The following CALCR variants were observed in gnomAD, a reference collection of about 807,000 sequenced individuals.
CALCR encodes calcitonin receptor.
In CALCR, 47 loss-of-function variants were observed where a neutral mutation model predicts 59.5. That is an observed-to-expected ratio of 0.79 (90% confidence interval 0.63 to 1.01). The LOEUF is 1.01. Ranked by LOEUF, CALCR falls within the 50% of genes least tolerant of loss-of-function variation. The pLI, the probability that CALCR is intolerant of heterozygous loss-of-function variation, is 0.00. For synonymous variants in CALCR, 213 were observed against 211.3 expected (o/e 1.01, Z -0.07); for missense variants, 566 against 597.1 (o/e 0.95, Z 0.54).
At chr7:93,557,257 TTTTA>T (rs1325434762) in intron 2 of CALCR, among the ~76,000 whole-genome samples, 1 of 151,874 alleles carries the variant, frequency 6.6e-6, no homozygotes, top group Non-Finnish European at 1.5e-5. Flanking sequence ...ATCTGATAGT[TTTTA>T]TTTCTTTAAA....
chr7:93,528,757 T>A (rs2116122607), intron 2 of CALCR, among the ~76,000 whole-genome samples: 1 of 152,300 alleles, frequency 6.6e-6, no homozygotes, highest in African/African-American at 2.4e-5. Flanking sequence ...TACTATAATT[T>A]CCTAAAGTTG....
At chr7:93,509,880 A>G (rs1452176693) in intron 2 of CALCR, among the ~76,000 whole-genome samples, 2 of 152,166 alleles carry the variant, frequency 1.3e-5, no homozygotes, top group African/African-American at 4.8e-5. Context: ...TATTTATAGG[A>G]TTAATACATA....
At chr7:93,467,033 A>G (rs1365524038) in intron 7 of CALCR, among the ~76,000 whole-genome samples, 1 of 131,304 alleles carries the variant, frequency 7.6e-6, no homozygotes, top group Non-Finnish European at 1.8e-5. Context: ...AAATTTGGGG[A>G]ATTTTTCTTT....
intron 12 of CALCR, among the ~76,000 whole-genome samples, chr7:93,434,637 T>C (rs1206799870): frequency 1.3e-5 from 2 of 151,932 alleles, no homozygotes; most frequent in African/African-American, 4.8e-5. Flanking sequence ...ATGGAGACCT[T>C]GCAGAATTCA....
chr7:93,484,021 A>C (rs777762616), intron 3 of CALCR: 1 of 520,408 alleles, frequency 1.9e-6, no homozygotes, highest in East Asian at 5.6e-5. Context: ...AGCTGCCACC[A>C]ACAGCAGTAG....
At chr7:93,528,385 G>A (rs1470409504) in intron 2 of CALCR, among the ~76,000 whole-genome samples, 1 of 152,066 alleles carries the variant, frequency 6.6e-6, no homozygotes, top group African/African-American at 2.4e-5. Flanking sequence ...CCATTAACTC[G>A]TCATTTACAT....
At chr7:93,563,212 T>C (rs994147459) in intron 2 of CALCR, among the ~76,000 whole-genome samples, 9 of 152,178 alleles carry the variant, frequency 5.9e-5, no homozygotes, top group Non-Finnish European at 1.0e-4. Flanking sequence ...AAAATAGATC[T>C]TGGAAAGTTT....
At chr7:93,503,897 T>C (rs527831236) in intron 2 of CALCR, among the ~76,000 whole-genome samples, 2 of 152,304 alleles carry the variant, frequency 1.3e-5, no homozygotes, top group Non-Finnish European at 2.9e-5. Flanking sequence ...CTATTCTCTA[T>C]AATGAAGGCT....
At chr7:93,536,042 T>C (rs1181477065) in intron 2 of CALCR, among the ~76,000 whole-genome samples, 2 of 151,916 alleles carry the variant, frequency 1.3e-5, no homozygotes, top group Admixed American at 6.6e-5. Context: ...TGTATGTCTA[T>C]ACTAGTGTAG....
intron 5 of CALCR, among the ~76,000 whole-genome samples, chr7:93,475,653 A>T (rs1800651745): frequency 6.6e-6 from 1 of 151,834 alleles, no homozygotes; most frequent in African/African-American, 2.4e-5. Flanking sequence ...AGGTCATTCC[A>T]CTCATGAACA....
intron 2 of CALCR, among the ~76,000 whole-genome samples, chr7:93,517,319 T>TTTTTTTTTTTTTTTTA (rs1475384884): frequency 6.6e-6 from 1 of 151,290 alleles, no homozygotes; most frequent in Admixed American, 6.6e-5. Flanking sequence ...TTTTTTTAAT[T>TTTTTTTTTTTTTTTTA]TGCTAGCCAT....
chr7:93,508,316 T>C (rs1202819359), intron 2 of CALCR, among the ~76,000 whole-genome samples: 3 of 152,194 alleles, frequency 2.0e-5, no homozygotes. Context: ...CAAAAAGTAG[T>C]ATATTTTCCA....
chr7:93,557,322 C>G (rs141043731), intron 2 of CALCR, among the ~76,000 whole-genome samples: 1 of 151,462 alleles, frequency 6.6e-6, no homozygotes, highest in Admixed American at 6.6e-5. Flanking sequence ...TGGTATGCAA[C>G]TTTATGTTTT....
rs527309308 is a variant in CALCR, at chr7:93,445,125, A to G, written c.649-1368T>C. Among the ~76,000 whole-genome samples, 3 of 152,222 alleles carry G rather than the reference A, an allele frequency of 2.0e-5. No individual in the cohort carries two copies. In the East Asian group the frequency reaches 5.8e-4, roughly 29 times the overall value. ...AACCTCTGATTCTGACCAAAGTGGT[A>G]CAGTGGTGCAGATAATTAAAAACAC... On this transcript the variant is annotated intron_variant, in intron 8 of 13. Coordinates refer to ENST00000426151, the MANE Select transcript of CALCR (RefSeq NM_001742.4).
chr7:93,461,622 A>G (rs1001178573), intron 7 of CALCR, among the ~76,000 whole-genome samples: 30 of 152,300 alleles, frequency 2.0e-4, no homozygotes, highest in Admixed American at 1.5e-3. Flanking sequence ...TTTGGATCCA[A>G]TGAGAGCTAT....
At chr7:93,443,561 A>C in intron 9 of CALCR, 43 bp downstream of exon 9, 8 of 1,581,848 alleles carry the variant, frequency 5.1e-6, no homozygotes, top group Non-Finnish European at 6.9e-6. Context: ...GCATACAGAC[A>C]GAGGTGAAAG....
chr7:93,495,949 G>T lies in CALCR; in HGVS notation c.-26-8942C>A, dbSNP rs1469359160. 7 of 1,524,148 alleles carry T rather than the reference G, an allele frequency of 4.6e-6. No individual in the cohort carries two copies. The Admixed American group carries it at 1.2e-4, about 26-fold the overall frequency. 94.4% of individuals were successfully genotyped at this position (1,524,148 alleles called of 1,614,324 possible). A position where few individuals can be genotyped will look rare whatever the true frequency, so the allele number is the denominator to read the frequency against. The stretch of plus-strand genomic sequence containing the variant: ...AATTGCATCCTGGGGTGGCAAAAGT[G>T]GGTGGATCAGTGGGAATCATTTATT... On this transcript the variant is annotated intron_variant, in intron 2 of 13. Coordinates refer to ENST00000426151, the MANE Select transcript of CALCR (RefSeq NM_001742.4).
intron 9 of CALCR, chr7:93,441,585 T>C (rs1194031711): frequency 4.4e-6 from 2 of 452,026 alleles, no homozygotes; most frequent in Admixed American, 4.8e-5. Context: ...AAAGACCATT[T>C]TGAGTAAATT....
At chr7:93,507,889 C>T (rs1801460429) in intron 2 of CALCR, among the ~76,000 whole-genome samples, 1 of 151,292 alleles carries the variant, frequency 6.6e-6, no homozygotes, top group Non-Finnish European at 1.5e-5. Flanking sequence ...CACCACTACA[C>T]TCCATCCTGG....
Sources: gnomAD v4.1 joint callset for allele counts (sites outside exome capture counted in the v4.1 genomes callset) on GRCh38, gnomAD v4.1.1 for gene constraint, MANE v1.5 for transcripts, NCBI Gene and HGNC (gene_info 2026-07-23, HGNC 2026-07-21) for gene names.